HMGA2: variants seen among roughly 807,000 people sequenced by gnomAD.
HMGA2 encodes high mobility group protein HMGI-C.
In HMGA2, 8 loss-of-function variants were observed where a neutral mutation model predicts 19.1. The ratio of observed to expected loss-of-function variants is 0.42; its 90% CI spans 0.25 to 0.76. The LOEUF (loss-of-function observed/expected upper bound fraction) is 0.76. Among genes scored for constraint, HMGA2 ranks in the 30% least tolerant of loss-of-function variants. The pLI, the probability that HMGA2 is intolerant of heterozygous loss-of-function variation, is 0.28. For synonymous variants in HMGA2, 60 were observed against 48.8 expected, an observed-to-expected ratio of 1.23 and a Z score of -0.96; for missense variants, 109 against 136.3, an observed-to-expected ratio of 0.80 and a Z score of 1.00.
chr12:65,954,497 A>T (rs1876550166), intron 4 of HMGA2: 1 of 152,244 alleles, frequency 6.6e-6, no homozygotes. Context: ...CCAATGCTGA[A>T]GTCTCCTCAG....
intron 3 of HMGA2, among the ~76,000 whole-genome samples, chr12:65,943,174 T>C (rs2121295415): frequency 6.6e-6 from 1 of 152,374 alleles, no homozygotes; most frequent in Non-Finnish European, 1.5e-5. Context: ...CTTTGTTTTC[T>C]ACACCCAGTT....
chr12:65,926,754 G>C (rs1200310997), intron 3 of HMGA2, among the ~76,000 whole-genome samples: 1 of 152,168 alleles, frequency 6.6e-6, no homozygotes, highest in Admixed American at 6.5e-5. Context: ...GCAGCAGTGG[G>C]AAGCTCTGAA....
At chr12:65,910,901 C>A (rs921210290) in intron 3 of HMGA2, among the ~76,000 whole-genome samples, 3 of 152,066 alleles carry the variant, frequency 2.0e-5, no homozygotes, top group Admixed American at 6.5e-5. Flanking sequence ...CTGTATAGAC[C>A]AGTTAGTAGT....
chr12:65,900,283 G>A (rs1466547179), intron 3 of HMGA2, among the ~76,000 whole-genome samples: 1 of 152,068 alleles, frequency 6.6e-6, no homozygotes, highest in Non-Finnish European at 1.5e-5. Context: ...CTCTAAATTT[G>A]TACATGAAGA....
rs1394431327 is a variant in HMGA2, at chr12:65,830,566, AGCT to A, written c.198+2482_198+2484del. 3.9e-5 allele frequency among the ~76,000 whole-genome samples: 6 copies of A among 151,918 alleles called. 1 individual carries two copies. Among genetic ancestry groups the A allele is most frequent in the Admixed American group, 3.9e-4 (6 of 15,250 alleles). On this transcript the variant is annotated intron_variant, in intron 2 of 4. Transcript: ENST00000403681. The stretch of plus-strand genomic sequence containing the variant: ...GAAGAAAGAAGCCTAAAATTAGAGG[AGCT>A]GCAATGCACACTGAAATCCTGATGG...
chr12:65,885,572 T>G (rs1016488330), intron 3 of HMGA2, among the ~76,000 whole-genome samples: 16 of 152,206 alleles, frequency 1.1e-4, no homozygotes, highest in Non-Finnish European at 1.3e-4. Context: ...CTAGCAGCCC[T>G]GGTGATAGCA....
intron 2 of HMGA2, among the ~76,000 whole-genome samples, chr12:65,830,466 AC>A (rs1344786117): frequency 6.6e-6 from 1 of 151,978 alleles, no homozygotes; most frequent in Non-Finnish European, 1.5e-5. Context: ...TCTATGAGTA[AC>A]AAAGTGAGTG....
At position 65,825,302 on chromosome 12, in the gene HMGA2, C is replaced by G. The variant is rs570487984; in HGVS notation, c.32C>G (p.Pro11Arg). The G allele has an allele frequency of 3.9e-6, 6 of 1,535,730 alleles. No homozygotes were observed. Among genetic ancestry groups the G allele is most frequent in the Admixed American group, 2.0e-5 (1 of 50,792 alleles). The stretch of plus-strand genomic sequence containing the variant: ...GCACGCGGTGAGGGCGCGGGGCAGC[C>G]GTCCACTTCAGCCCAGGGACAACCT... Reference protein sequence around the residue: MSARGEGAGQPSTSAQGQPAA... With the variant: MSARGEGAGQRSTSAQGQPAA... Residue 11 changes from proline (P) to arginine (R), a missense_variant, in exon 1 of 5, where the codon CCG becomes CGG. Transcript: ENST00000403681. The surrounding 1 kb of genome is among the most constrained non-coding windows in gnomAD (Gnocchi z 4.4).
intron 3 of HMGA2, among the ~76,000 whole-genome samples, chr12:65,936,476 G>A (rs1309684742): frequency 1.3e-5 from 2 of 152,120 alleles, no homozygotes; most frequent in African/African-American, 2.4e-5. Flanking sequence ...AATTCCAAAC[G>A]CCACAGAAAC....
chr12:65,912,522 T>C (rs961728131), intron 3 of HMGA2, among the ~76,000 whole-genome samples: 3 of 152,108 alleles, frequency 2.0e-5, no homozygotes, highest in Middle Eastern at 3.2e-3. Context: ...ATCTGTAGAG[T>C]GTCAGGGGAG....
intron 3 of HMGA2, among the ~76,000 whole-genome samples, chr12:65,864,544 A>G (rs1009244263): frequency 3.3e-5 from 5 of 152,210 alleles, no homozygotes; most frequent in African/African-American, 1.2e-4. Flanking sequence ...TTGGCAGAGA[A>G]CACCAGCTTT....
chr12:65,845,804 T>G (rs959317897), intron 3 of HMGA2, among the ~76,000 whole-genome samples: 3 of 152,226 alleles, frequency 2.0e-5, no homozygotes, highest in Non-Finnish European at 4.4e-5. Flanking sequence ...TGTCCATAAC[T>G]AATGGCTGTC....
intron 3 of HMGA2, among the ~76,000 whole-genome samples, chr12:65,861,650 CTATATAT>C (rs1407071900): frequency 3.3e-4 from 47 of 142,722 alleles, no homozygotes; most frequent in African/African-American, 1.2e-3. Flanking sequence ...AACCTAGATA[CTATATAT>C]ATTTAATTTA....
intron 3 of HMGA2, among the ~76,000 whole-genome samples, chr12:65,912,678 A>G (rs1874897738): frequency 6.6e-6 from 1 of 152,168 alleles, no homozygotes; most frequent in Non-Finnish European, 1.5e-5. Context: ...ATGTGATTGA[A>G]AGCATAGGTT....
In HMGA2 at chr12:65,881,716, A is replaced by G. The variant is rs1240526791; in HGVS notation, c.249+43147A>G. ...AAATTGCTGAAGGAGAGCTTCACTC[A>G]CTGACTCCGCACACATTCCCTCCCA... On this transcript the variant is annotated intron_variant, in intron 3 of 4. Coordinates refer to ENST00000403681, the MANE Select transcript of HMGA2 (RefSeq NM_003483.6). 4 of 702,716 alleles carry G rather than the reference A, an allele frequency of 5.7e-6. No homozygotes were observed. The African/African-American group carries it at 7.0e-5, about 12-fold the overall frequency. 43.5% of individuals were successfully genotyped at this position (702,716 alleles called of 1,614,324 possible). A position where few individuals can be genotyped will look rare whatever the true frequency, so the allele number is the denominator to read the frequency against.
At chr12:65,929,115 G>A (rs1197541258) in intron 3 of HMGA2, among the ~76,000 whole-genome samples, 1 of 152,120 alleles carries the variant, frequency 6.6e-6, no homozygotes, top group Non-Finnish European at 1.5e-5. Context: ...TTTGGATACT[G>A]TGCAGACAAG....
chr12:65,936,459 A>C (rs1374517826), intron 3 of HMGA2, among the ~76,000 whole-genome samples: 2 of 152,194 alleles, frequency 1.3e-5, no homozygotes, highest in Non-Finnish European at 2.9e-5. Context: ...TGTGCAGCTG[A>C]AACTAGAATT....
intron 3 of HMGA2, among the ~76,000 whole-genome samples, chr12:65,927,814 T>A: frequency 7.0e-6 from 1 of 143,690 alleles, no homozygotes; most frequent in East Asian, 2.1e-4. Context: ...TCTCTCTGTC[T>A]CTCTCTCTCT....
intron 3 of HMGA2, among the ~76,000 whole-genome samples, chr12:65,915,914 G>C (rs1323790717): frequency 1.3e-5 from 2 of 152,176 alleles, no homozygotes; most frequent in Non-Finnish European, 2.9e-5. Context: ...CTCTAGAGAT[G>C]ACTTAACTGA....
Sources: allele counts gnomAD v4.1 joint callset (sites outside exome capture counted in the v4.1 genomes callset), GRCh38; gene constraint gnomAD v4.1.1; non-coding constraint Gnocchi (gnomAD v3.1); transcripts MANE v1.5; gene names NCBI Gene and HGNC (gene_info 2026-07-23, HGNC 2026-07-21).